SGCZ: variants seen among roughly 807,000 people sequenced by gnomAD.
SGCZ encodes the protein zeta-sarcoglycan.
In SGCZ, 40 loss-of-function variants were observed where a neutral mutation model predicts 41.3. The ratio of observed to expected loss-of-function variants is 0.97; its 90% confidence interval spans 0.75 to 1.26. The LOEUF is 1.26. Ranked by LOEUF, SGCZ falls within the 50% of genes most tolerant of loss-of-function variation. SGCZ has a pLI of 0.00. For synonymous variants in SGCZ, 206 were observed against 137.5 expected, an observed-to-expected ratio of 1.50 and a Z score of -3.49; for missense variants, 552 against 369.8, an observed-to-expected ratio of 1.49 and a Z score of -4.04.
intron 1 of SGCZ, among the ~76,000 whole-genome samples, chr8:14,595,121 T>TGG: frequency 6.6e-6 from 1 of 150,412 alleles, no homozygotes; most frequent in Admixed American, 6.6e-5. Context: ...ACATCAATAA[T>TGG]GATGACAAAT....
chr8:14,617,009 T>C (rs1272365881), intron 1 of SGCZ, among the ~76,000 whole-genome samples: 3 of 151,988 alleles, frequency 2.0e-5, no homozygotes, highest in East Asian at 1.9e-4. Context: ...GATGTATTTG[T>C]AGTAAGAAAA....
chr8:14,155,294 T>C (rs1360344238), intron 5 of SGCZ, among the ~76,000 whole-genome samples: 1 of 152,150 alleles, frequency 6.6e-6, no homozygotes, highest in Non-Finnish European at 1.5e-5. Flanking sequence ...TGATATAATA[T>C]AGAAGTTTTT....
chr8:15,121,010 C>T (rs1230671411), intron 1 of SGCZ, among the ~76,000 whole-genome samples: 1 of 152,184 alleles, frequency 6.6e-6, no homozygotes, highest in East Asian at 1.9e-4. Flanking sequence ...TATCTGAACA[C>T]ATTGGATAAG....
chr8:14,910,716 C>A (rs1026921212), intron 1 of SGCZ, among the ~76,000 whole-genome samples: 1 of 151,692 alleles, frequency 6.6e-6, no homozygotes, highest in East Asian at 1.9e-4. Flanking sequence ...AAAATTTCTT[C>A]AAATTTATAT....
At chr8:14,701,108 C>G (rs565150308) in intron 1 of SGCZ, among the ~76,000 whole-genome samples, 1 of 151,878 alleles carries the variant, frequency 6.6e-6, no homozygotes, top group African/African-American at 2.4e-5. Flanking sequence ...CATAAGCTAT[C>G]CAGAACAAAA....
chr8:14,787,771 G>A (rs541990087), intron 1 of SGCZ, among the ~76,000 whole-genome samples: 2 of 151,942 alleles, frequency 1.3e-5, no homozygotes, highest in East Asian at 1.9e-4. Flanking sequence ...GCTTGAACTC[G>A]GGATGCGGAG....
At chr8:14,809,637 T>C (rs1279845244) in intron 1 of SGCZ, among the ~76,000 whole-genome samples, 3 of 152,176 alleles carry the variant, frequency 2.0e-5, no homozygotes, top group African/African-American at 7.2e-5. Context: ...CAATTGTCTA[T>C]AGCTTAAAGT....
chr8:14,666,813 C>G (rs1231133586), intron 1 of SGCZ, among the ~76,000 whole-genome samples: 1 of 151,780 alleles, frequency 6.6e-6, no homozygotes. Flanking sequence ...CTGTTGATAT[C>G]TACATGTTTG....
intron 3 of SGCZ, among the ~76,000 whole-genome samples, chr8:14,265,637 T>C (rs945861581): frequency 2.0e-5 from 3 of 151,974 alleles, no homozygotes; most frequent in African/African-American, 7.3e-5. Flanking sequence ...AATTAAATAC[T>C]CATTTAATAA....
At chr8:14,103,313 T>C (rs1021669649) in intron 6 of SGCZ, among the ~76,000 whole-genome samples, 4 of 151,850 alleles carry the variant, frequency 2.6e-5, no homozygotes, top group Non-Finnish European at 4.4e-5. Flanking sequence ...TAGAATACAG[T>C]GGTAAAAAGT....
Position 14,491,632 on chromosome 8 carries a change from C to T in SGCZ, c.234+63100G>A, listed in dbSNP as rs538732659. Among the ~76,000 whole-genome samples, 7 of 152,174 alleles carry T rather than the reference C, an allele frequency of 4.6e-5. No individual in the cohort carries two copies. The East Asian group carries it at 1.4e-3, about 29-fold the overall frequency. ...ATATATGTGTGTTAATGTTTGCTTGCTTGTAGTATACATTTTTATGTTACT... is the reference window on the plus strand; with the variant it reads ...ATATATGTGTGTTAATGTTTGCTTGTTTGTAGTATACATTTTTATGTTACT... On this transcript the variant is annotated intron_variant, in intron 2 of 7. Transcript: ENST00000382080.
chr8:14,359,684 AG>A (rs1350969480), intron 2 of SGCZ, among the ~76,000 whole-genome samples: 2 of 152,182 alleles, frequency 1.3e-5, no homozygotes, highest in African/African-American at 2.4e-5. Context: ...TCACTATTGA[AG>A]CTGGAGAAAC....
At chr8:14,791,100 T>C (rs1304834607) in intron 1 of SGCZ, among the ~76,000 whole-genome samples, 1 of 152,096 alleles carries the variant, frequency 6.6e-6, no homozygotes, top group East Asian at 1.9e-4. Context: ...ATTGCTATTA[T>C]AACAAAAATC....
At position 14,678,758 on chromosome 8, in the gene SGCZ, T is replaced by C. The variant is rs796462529; in HGVS notation, c.40-123832A>G. On this transcript the variant is annotated intron_variant, in intron 1 of 7. Transcript: ENST00000382080. The stretch of plus-strand genomic sequence containing the variant: ...CTTGAAAGTTGATATTTATTCATAA[T>C]TGAAAAAACTTGGAAGCAACCAAGA... Among the ~76,000 whole-genome samples the C allele has an allele frequency of 1.2e-4, 18 of 152,294 alleles. 1 individual carries two copies. Among genetic ancestry groups the C allele is most frequent in the African/African-American group, 3.6e-4 (15 of 41,580 alleles).
intron 1 of SGCZ, among the ~76,000 whole-genome samples, chr8:14,660,082 T>A (rs973360211): frequency 1.3e-5 from 2 of 152,134 alleles, no homozygotes; most frequent in Admixed American, 6.6e-5. Flanking sequence ...ACCTTGCTGG[T>A]GCCTTGAAAT....
At chr8:14,528,469 A>G (rs1339824282) in intron 2 of SGCZ, among the ~76,000 whole-genome samples, 1 of 152,112 alleles carries the variant, frequency 6.6e-6, no homozygotes, top group Non-Finnish European at 1.5e-5. Flanking sequence ...GTATAGAGTT[A>G]TATGTACCAA....
chr8:14,166,281 G>A (rs1442768411), intron 4 of SGCZ, among the ~76,000 whole-genome samples: 2 of 152,004 alleles, frequency 1.3e-5, no homozygotes, highest in Non-Finnish European at 2.9e-5. Flanking sequence ...AACCATTGAA[G>A]ACCTATTGTC....
intron 1 of SGCZ, among the ~76,000 whole-genome samples, chr8:14,972,699 T>C (rs1478759362): frequency 6.6e-6 from 1 of 152,186 alleles, no homozygotes; most frequent in Admixed American, 6.5e-5. Context: ...GTTTATGTTA[T>C]TCATCTTTAA....
chr8:14,167,446 TA>T (rs2116991267), intron 4 of SGCZ, among the ~76,000 whole-genome samples: 2 of 152,296 alleles, frequency 1.3e-5, no homozygotes, highest in South Asian at 4.1e-4. Flanking sequence ...TGGGTAGTGC[TA>T]TATTTTCTTA....
Sources: allele counts gnomAD v4.1 joint callset (sites outside exome capture counted in the v4.1 genomes callset), GRCh38; gene constraint gnomAD v4.1.1; transcripts MANE v1.5; gene names NCBI Gene and HGNC (gene_info 2026-07-23, HGNC 2026-07-21).